IGSF3: variants seen among roughly 807,000 people sequenced by gnomAD.
IGSF3 encodes immunoglobulin superfamily member 3.
In IGSF3, 23 loss-of-function variants were observed where a neutral mutation model predicts 114.4. The observed-to-expected ratio is 0.20, with a 90% confidence interval of 0.14 to 0.28. The LOEUF is 0.28. Among genes scored for constraint, IGSF3 ranks in the 10% least tolerant of loss-of-function variants. The probability of loss-of-function intolerance (pLI) is 1.00; values close to 1 mark genes in which losing one functional copy is unlikely to be tolerated. For synonymous variants in IGSF3, 571 were observed against 645.2 expected, an observed-to-expected ratio of 0.88 and a Z score of 1.74; for missense variants, 1,172 against 1,591.5, an observed-to-expected ratio of 0.74 and a Z score of 4.48.
rs1257352749 is a variant in IGSF3, at chr1:116,633,539, C to T, written c.44-17082G>A. Reference sequence around the variant, plus strand: ...CCCTGCATTTCCCTAACTATATATTCCCCTATGCCATGGAAAGGTGCATGT... The same window carrying T: ...CCCTGCATTTCCCTAACTATATATTTCCCTATGCCATGGAAAGGTGCATGT... On this transcript the variant is annotated intron_variant, in intron 2 of 10. Coordinates refer to ENST00000369486, the MANE Select transcript of IGSF3 (RefSeq NM_001007237.3). The surrounding 1 kb of genome is among the most constrained non-coding windows in gnomAD (Gnocchi z 4.3). Among the ~76,000 whole-genome samples, 1 of 152,076 alleles carries T rather than the reference C, an allele frequency of 6.6e-6. No individual in the cohort carries two copies. The highest frequency in any genetic ancestry group is 1.5e-5 in the Non-Finnish European group (1 of 68,006).
rs1358715465 is a variant in IGSF3 at position 116,651,562 on chromosome 1, C to T, written c.43+14722G>A. 6.6e-6 allele frequency among the ~76,000 whole-genome samples: 1 copy of T among 152,182 alleles called. No individual in the cohort carries two copies. Among genetic ancestry groups the T allele is most frequent in the African/African-American group, 2.4e-5 (1 of 41,432 alleles). ...TGGCTAGAGAAAACTGTGTTAAATG[C>T]AGCCTACCATAGGATCGTTGATTAC... On this transcript the variant is annotated intron_variant, in intron 2 of 10. Transcript: ENST00000369486. The surrounding 1 kb of genome is among the most constrained non-coding windows in gnomAD (Gnocchi z 4.4).
At position 116,638,983 on chromosome 1, in the gene IGSF3, A is replaced by G. The variant is rs1647958548; in HGVS notation, c.44-22526T>C. Among the ~76,000 whole-genome samples, 1 of 152,230 alleles carries G rather than the reference A, an allele frequency of 6.6e-6. No individual in the cohort carries two copies. The highest frequency in any genetic ancestry group is 1.5e-5 in the Non-Finnish European group (1 of 68,046). ...AAAAGTCACAGGTAGGAAGACAAGC[A>G]TAGAATTAAGAACAAAGCAACTAAC... is the stretch of plus-strand genomic sequence containing the variant. On this transcript the variant is annotated intron_variant, in intron 2 of 10. Coordinates refer to ENST00000369486, the MANE Select transcript of IGSF3 (RefSeq NM_001007237.3). This position sits in a 1 kb window ranked among gnomAD's most constrained non-coding sequence, Gnocchi z 4.1.
At chr1:116,609,033 A>G (rs1221174613) in intron 4 of IGSF3, among the ~76,000 whole-genome samples, 1 of 151,934 alleles carries the variant, frequency 6.6e-6, no homozygotes, top group Non-Finnish European at 1.5e-5. Context: ...CCTACTAAGT[A>G]CTTACTTTAG....
At chr1:116,630,582 T>C (rs1460721338) in intron 2 of IGSF3, among the ~76,000 whole-genome samples, 1 of 152,204 alleles carries the variant, frequency 6.6e-6, no homozygotes, top group Non-Finnish European at 1.5e-5. Context: ...TTCTGTTTCA[T>C]TCATTCCAAA....
chr1:116,639,751 T>C (rs1647997324), intron 2 of IGSF3, among the ~76,000 whole-genome samples: 1 of 152,126 alleles, frequency 6.6e-6, no homozygotes, highest in African/African-American at 2.4e-5. Flanking sequence ...AGCTCCATGA[T>C]CTACTATCAT....
Position 116,650,677 on chromosome 1 carries a change from G to A in IGSF3, c.43+15607C>T, listed in dbSNP as rs1185046587. Among the ~76,000 whole-genome samples, 2 of 152,210 alleles carry A rather than the reference G, an allele frequency of 1.3e-5. No homozygotes were observed. The highest frequency in any genetic ancestry group is 3.8e-4 in the East Asian group (2 of 5,200). ...AGGCAGGGACCAATACCACATATCT[G>A]TGTTTCCCCTCACTTGCCACCCCCA... On this transcript the variant is annotated intron_variant, in intron 2 of 10. Coordinates refer to ENST00000369486, the MANE Select transcript of IGSF3 (RefSeq NM_001007237.3). The surrounding 1 kb of genome is among the most constrained non-coding windows in gnomAD (Gnocchi z 5.0).
intron 7 of IGSF3, among the ~76,000 whole-genome samples, chr1:116,591,843 A>T (rs561146352): frequency 6.6e-6 from 1 of 152,206 alleles, no homozygotes; most frequent in African/African-American, 2.4e-5. Flanking sequence ...AGCCCTGCCC[A>T]CTTAGAGACC....
chr1:116,616,500 C>T lies in IGSF3; in HGVS notation c.44-43G>A. ...ACACACAACATGCTTACTTACTTCT[C>T]AGACCAAAATGCAAAGTAGCCAGCA... On this transcript the variant is annotated intron_variant, in intron 2 of 10. Coordinates refer to ENST00000369486, the MANE Select transcript of IGSF3 (RefSeq NM_001007237.3). The surrounding 1 kb of genome is among the most constrained non-coding windows in gnomAD (Gnocchi z 6.6). 44 of 1,538,984 alleles carry T rather than the reference C, an allele frequency of 2.9e-5. No homozygotes were observed. The highest frequency in any genetic ancestry group is 3.8e-5 in the Non-Finnish European group (43 of 1,138,626).
In IGSF3 at chr1:116,582,896, G is replaced by C. The variant is rs990892258; in HGVS notation, c.2848+1749C>G. ...TCTGTTTTCCAATGTTTTGTAATTA[G>C]TACAATCAACTTATGCAATCAGGGA... On this transcript the variant is annotated intron_variant, in intron 9 of 10. Transcript: ENST00000369486. The surrounding 1 kb of genome is among the most constrained non-coding windows in gnomAD (Gnocchi z 4.7). Among the ~76,000 whole-genome samples, 1 of 152,168 alleles carries C rather than the reference G, an allele frequency of 6.6e-6. No individual in the cohort carries two copies. Among genetic ancestry groups the C allele is most frequent in the African/African-American group, 2.4e-5 (1 of 41,432 alleles).
intron 9 of IGSF3, among the ~76,000 whole-genome samples, chr1:116,580,118 C>T (rs1005362799): frequency 2.0e-5 from 3 of 152,160 alleles, no homozygotes; most frequent in Non-Finnish European, 2.9e-5. Flanking sequence ...TTTTGACATA[C>T]ATATCTGTTT....
At chr1:116,630,476 C>T (rs982460691) in intron 2 of IGSF3, among the ~76,000 whole-genome samples, 6 of 152,168 alleles carry the variant, frequency 3.9e-5, no homozygotes, top group Non-Finnish European at 7.3e-5. Flanking sequence ...AGTGTACATT[C>T]CCCATTTTAC....
At position 116,618,794 on chromosome 1, in the gene IGSF3, A is replaced by G. The variant is rs1046499841; in HGVS notation, c.44-2337T>C. Among the ~76,000 whole-genome samples the G allele has an allele frequency of 6.6e-6, 1 of 152,220 alleles. No individual in the cohort carries two copies. Among genetic ancestry groups the G allele is most frequent in the Admixed American group, 6.5e-5 (1 of 15,276 alleles). On this transcript the variant is annotated intron_variant, in intron 2 of 10. Coordinates refer to ENST00000369486, the MANE Select transcript of IGSF3 (RefSeq NM_001007237.3). This position sits in a 1 kb window ranked among gnomAD's most constrained non-coding sequence, Gnocchi z 4.7. ...TTTTGCAAACAATTTAACTACATTC[A>G]TAACATTAGGTATCCTTTGAATTGC...
rs909386578 is a variant in IGSF3, at chr1:116,662,224, C to A, written c.43+4060G>T. On this transcript the variant is annotated intron_variant, in intron 2 of 10. Transcript: ENST00000369486. The surrounding 1 kb of genome is among the most constrained non-coding windows in gnomAD (Gnocchi z 4.3). ...TAGCTGGGATTACAGGAATGTGCCA[C>A]CATGCTCGGCTAATTTTTGTATTTT... is the stretch of plus-strand genomic sequence containing the variant. Among the ~76,000 whole-genome samples, 1 of 152,110 alleles carries A rather than the reference C, an allele frequency of 6.6e-6. No individual in the cohort carries two copies.
rs1660775002 is a variant in IGSF3, at chr1:116,605,829, G to A, written c.1223-1804C>T. Among the ~76,000 whole-genome samples the A allele has an allele frequency of 1.3e-5, 2 of 152,212 alleles. No individual in the cohort carries two copies. On this transcript the variant is annotated intron_variant, in intron 5 of 10. Transcript: ENST00000369486. This position sits in a 1 kb window ranked among gnomAD's most constrained non-coding sequence, Gnocchi z 5.1. ...ATCCTTTCACTTGTATTAAGCAGAA[G>A]AATGACTTGCAGGACCTCACTCTCA...
chr1:116,639,410 TC>T (rs1298425264), intron 2 of IGSF3, among the ~76,000 whole-genome samples: 1 of 152,176 alleles, frequency 6.6e-6, no homozygotes. Context: ...CCAGCTCAAG[TC>T]CTTTTTCCTT....
chr1:116,590,069 G>T (rs1378467116), intron 7 of IGSF3, among the ~76,000 whole-genome samples: 2 of 152,018 alleles, frequency 1.3e-5, no homozygotes, highest in Admixed American at 6.5e-5. Context: ...CGGGCGGGGG[G>T]AGAGGGGGCT....
intron 2 of IGSF3, among the ~76,000 whole-genome samples, chr1:116,645,595 G>A (rs970458174): frequency 2.6e-5 from 4 of 152,174 alleles, no homozygotes; most frequent in Non-Finnish European, 5.9e-5. Context: ...CTATGACTTG[G>A]AGAAATCACA....
In IGSF3 at chr1:116,633,059, C is replaced by T. The variant is rs186325174; in HGVS notation, c.44-16602G>A. ...AAATGCTATATAGACCAATGCTGCA[C>T]GCTGCAGAGACACAGTCTTTGGGTT... On this transcript the variant is annotated intron_variant, in intron 2 of 10. Coordinates refer to ENST00000369486, the MANE Select transcript of IGSF3 (RefSeq NM_001007237.3). This position sits in a 1 kb window ranked among gnomAD's most constrained non-coding sequence, Gnocchi z 4.3. 3.6e-3 allele frequency among the ~76,000 whole-genome samples: 541 copies of T among 152,330 alleles called. No individual in the cohort carries two copies. Among genetic ancestry groups the T allele is most frequent in the Admixed American group, 5.3e-3 (81 of 15,298 alleles).
At chr1:116,653,113 G>A (rs1359079401) in intron 2 of IGSF3, among the ~76,000 whole-genome samples, 4 of 152,182 alleles carry the variant, frequency 2.6e-5, no homozygotes, top group African/African-American at 9.7e-5. Flanking sequence ...GATGCAGGCA[G>A]GATGATCATG....
Sources: allele counts gnomAD v4.1 joint callset (sites outside exome capture counted in the v4.1 genomes callset), GRCh38; gene constraint gnomAD v4.1.1; non-coding constraint Gnocchi (gnomAD v3.1); transcripts MANE v1.5; gene names NCBI Gene and HGNC (gene_info 2026-07-23, HGNC 2026-07-21).